The following MDGA2 variants were observed in gnomAD, a reference collection of about 807,000 sequenced individuals.
The protein encoded by MDGA2 is MAM domain-containing glycosylphosphatidylinositol anchor protein 2.
Under a neutral mutation model 117.8 loss-of-function variants are expected in MDGA2, and 40 were observed. The observed-to-expected ratio is 0.34, with a 90% CI of 0.26 to 0.44. MDGA2 has a LOEUF of 0.44. MDGA2 is among the 20% of genes least tolerant of loss of function. The pLI is 1.00. For missense variants in MDGA2, 1,123 were observed against 1,250.6 expected (o/e 0.90, Z 1.54); for synonymous variants, 452 against 439.0 (o/e 1.03, Z -0.37).
intron 1 of MDGA2, among the ~76,000 whole-genome samples, chr14:47,601,668 C>T (rs199956278): frequency 6.6e-6 from 1 of 152,024 alleles, no homozygotes; most frequent in African/African-American, 2.4e-5. Flanking sequence ...TGAGATAAAA[C>T]TAAAATGTTG....
At chr14:47,127,794 G>C (rs1305624642) in intron 5 of MDGA2, among the ~76,000 whole-genome samples, 3 of 152,090 alleles carry the variant, frequency 2.0e-5, no homozygotes, top group Admixed American at 6.5e-5. Flanking sequence ...TGTTTTCTAA[G>C]CCAAATTTTT....
chr14:47,362,152 T>C (rs1566754820), intron 1 of MDGA2, among the ~76,000 whole-genome samples: 1 of 152,196 alleles, frequency 6.6e-6, no homozygotes, highest in Non-Finnish European at 1.5e-5. Context: ...GATTTCATTC[T>C]TTCTCACTCA....
intron 1 of MDGA2, among the ~76,000 whole-genome samples, chr14:47,472,190 G>C (rs7493714): frequency 0.28 from 42,400 of 151,950 alleles, 6,287 homozygotes; most frequent in South Asian, 0.52. Context: ...ACATATTTTA[G>C]CTATAAAATA....
intron 1 of MDGA2, among the ~76,000 whole-genome samples, chr14:47,626,790 A>T (rs12588617): frequency 6.6e-6 from 1 of 152,188 alleles, no homozygotes; most frequent in South Asian, 2.1e-4. Flanking sequence ...ATGCCTGAGC[A>T]TCCCCCACCC....
chr14:47,058,592 T>A, intron 7 of MDGA2: 1 of 985,176 alleles, frequency 1.0e-6, no homozygotes, highest in Non-Finnish European at 1.2e-6. Flanking sequence ...ATTTTCATAT[T>A]AAAGCACTTT....
At chr14:47,152,067 G>A (rs990147565) in intron 3 of MDGA2, among the ~76,000 whole-genome samples, 1 of 152,082 alleles carries the variant, frequency 6.6e-6, no homozygotes, top group African/African-American at 2.4e-5. Context: ...CTGATCAAAT[G>A]TGCCAAACAC....
chr14:46,929,601 GTATA>G (rs756528353), intron 9 of MDGA2, among the ~76,000 whole-genome samples: 33 of 12,670 alleles, frequency 2.6e-3, no homozygotes, highest in South Asian at 4.1e-3. Flanking sequence ...GTGTGTGTGT[GTATA>G]TATATATATA....
chr14:47,115,149 A>G (rs1443399523), intron 5 of MDGA2, among the ~76,000 whole-genome samples: 3 of 152,096 alleles, frequency 2.0e-5, no homozygotes, highest in Non-Finnish European at 4.4e-5. Flanking sequence ...ATATAAATTC[A>G]TACTTAACAC....
intron 1 of MDGA2, among the ~76,000 whole-genome samples, chr14:47,516,693 T>C (rs181237965): frequency 3.6e-4 from 55 of 152,252 alleles, no homozygotes; most frequent in African/African-American, 1.3e-3. Flanking sequence ...GTTCATAGGG[T>C]CGGGCATAGC....
intron 3 of MDGA2, among the ~76,000 whole-genome samples, chr14:47,145,721 T>C (rs1318090062): frequency 6.6e-6 from 1 of 152,150 alleles, no homozygotes; most frequent in East Asian, 1.9e-4. Context: ...TTAAATGAGA[T>C]AGTCCATAAA....
At chr14:47,048,421 C>T (rs1889339617) in intron 7 of MDGA2, among the ~76,000 whole-genome samples, 1 of 152,032 alleles carries the variant, frequency 6.6e-6, no homozygotes, top group African/African-American at 2.4e-5. Flanking sequence ...TGGTAAAATC[C>T]TCAACGCAGA....
chr14:47,429,246 C>G (rs1892751115), intron 1 of MDGA2, among the ~76,000 whole-genome samples: 1 of 150,728 alleles, frequency 6.6e-6, no homozygotes, highest in Non-Finnish European at 1.5e-5. Context: ...AAACAAACCC[C>G]TAAGAAATTT....
At chr14:46,964,548 C>T (rs1245184879) in intron 8 of MDGA2, among the ~76,000 whole-genome samples, 2 of 152,148 alleles carry the variant, frequency 1.3e-5, no homozygotes, top group Admixed American at 1.3e-4. Flanking sequence ...GCTAGAACAA[C>T]TTGAAAACTT....
At chr14:47,129,242 C>CG (rs1882067522) in intron 5 of MDGA2, among the ~76,000 whole-genome samples, 1 of 151,348 alleles carries the variant, frequency 6.6e-6, no homozygotes, top group Non-Finnish European at 1.5e-5. Flanking sequence ...CTATAGCTCC[C>CG]CCCCCGACCC....
chr14:47,176,890 G>A (rs144510606), intron 3 of MDGA2, among the ~76,000 whole-genome samples: 5,731 of 152,120 alleles, frequency 0.038, 165 homozygotes, highest in East Asian at 0.17. Flanking sequence ...GAAAATTTTC[G>A]CAACCTACTC....
chr14:47,087,080 A>G (rs560552743), intron 6 of MDGA2, among the ~76,000 whole-genome samples: 7 of 152,170 alleles, frequency 4.6e-5, no homozygotes, highest in Admixed American at 2.6e-4. Flanking sequence ...AATAACCAAT[A>G]CATAATTTTT....
intron 7 of MDGA2, chr14:47,059,083 G>C: frequency 1.9e-6 from 2 of 1,026,814 alleles, no homozygotes; most frequent in Non-Finnish European, 2.4e-6. Context: ...AGGGCAGTAA[G>C]AGGCACAGCA....
At chr14:46,930,232 CAGAT>C (rs553423303) in intron 9 of MDGA2, among the ~76,000 whole-genome samples, 34 of 152,198 alleles carry the variant, frequency 2.2e-4, no homozygotes, top group Middle Eastern at 6.8e-3. Flanking sequence ...TTGTCTCCCA[CAGAT>C]AGATAATTAA....
intron 2 of MDGA2, among the ~76,000 whole-genome samples, chr14:47,254,514 A>T (rs370056494): frequency 6.6e-6 from 1 of 152,144 alleles, no homozygotes; most frequent in African/African-American, 2.4e-5. Context: ...ATCACCTCGG[A>T]CTGGACGTCA....
Sources: gnomAD v4.1 joint callset for allele counts (sites outside exome capture counted in the v4.1 genomes callset) on GRCh38, gnomAD v4.1.1 for gene constraint, MANE v1.5 for transcripts, NCBI Gene and HGNC (gene_info 2026-07-23, HGNC 2026-07-21) for gene names.